FBXO47: variants seen among roughly 807,000 people sequenced by gnomAD.
The protein encoded by FBXO47 is F-box protein 47, also known as F-box only protein 47.
Under a neutral mutation model 53.9 loss-of-function variants are expected in FBXO47, and 34 were observed. The observed-to-expected ratio is 0.63, with a 90% confidence interval of 0.48 to 0.84. The LOEUF is 0.84. Among genes scored for constraint, FBXO47 ranks in the 40% least tolerant of loss-of-function variants. FBXO47 has a pLI of 0.00. For synonymous variants in FBXO47, 165 were observed against 181.6 expected (o/e 0.91, Z 0.73); for missense variants, 485 against 541.3 (o/e 0.90, Z 1.03).
chr17:38,944,852 G>T, intron 7 of FBXO47, 108 bp downstream of exon 7: 1 of 749,282 alleles, frequency 1.3e-6, no homozygotes, highest in South Asian at 1.7e-5. Flanking sequence ...GCATGCATGT[G>T]TGTGTGTGTG....
At chr17:38,964,057 C>G (rs1292226388) in intron 1 of FBXO47, among the ~76,000 whole-genome samples, 1 of 152,100 alleles carries the variant, frequency 6.6e-6, no homozygotes, top group Non-Finnish European at 1.5e-5. Context: ...ATCCTCCCAC[C>G]TCAGCCTCCC....
Position 38,957,260 on chromosome 17 carries a change from A to C in FBXO47, c.353-7T>G. On this transcript the variant is annotated splice_polypyrimidine_tract_variant and splice_region_variant and intron_variant, in intron 3 of 10. Coordinates refer to ENST00000378079, the MANE Select transcript of FBXO47 (RefSeq NM_001008777.3). ...CATCTTTTAAACAGTAGACCTAAGA[A>C]AGTAAAGAGACATAAGAAAAAATGA... The C allele has an allele frequency of 6.3e-7, 1 of 1,594,736 alleles. No individual in the cohort carries two copies. The highest frequency in any genetic ancestry group is 2.2e-5 in the East Asian group (1 of 44,664).
chr17:38,955,741 C>T (rs890175275), intron 4 of FBXO47, among the ~76,000 whole-genome samples: 1 of 151,612 alleles, frequency 6.6e-6, no homozygotes, highest in East Asian at 1.9e-4. Context: ...GGGAGGATCA[C>T]GAGGTCAGGA....
At chr17:38,961,785 C>G in intron 3 of FBXO47, 92 bp downstream of exon 3, 1 of 1,112,016 alleles carries the variant, frequency 9.0e-7, no homozygotes, top group Non-Finnish European at 1.3e-6. Context: ...GGAATATATT[C>G]CATTTCCTAC....
chr17:38,948,144 A>AC (rs1905031078), intron 6 of FBXO47, among the ~76,000 whole-genome samples: 1 of 148,418 alleles, frequency 6.7e-6, no homozygotes, highest in Admixed American at 6.8e-5. Flanking sequence ...TCTGTCCTTT[A>AC]CCACCCCTAG....
chr17:38,946,273 T>G (rs187085453), intron 6 of FBXO47, among the ~76,000 whole-genome samples: 307 of 88,788 alleles, frequency 3.5e-3, no homozygotes, highest in African/African-American at 0.015. Flanking sequence ...TAAATATATA[T>G]AAAAATATAT....
Position 38,937,207 on chromosome 17 carries a change from A to G in FBXO47, c.1327T>C (p.Tyr443His), listed in dbSNP as rs1469834661. The G allele has an allele frequency of 2.5e-6, 4 of 1,600,260 alleles. No homozygotes were observed. Among genetic ancestry groups the G allele is most frequent in the Non-Finnish European group, 3.4e-6 (4 of 1,168,652 alleles). The change falls in exon 11 of 11, where the codon TAT becomes CAT. Residue 443 changes from tyrosine (Y) to histidine (H), a missense_variant. Coordinates refer to ENST00000378079, the MANE Select transcript of FBXO47 (RefSeq NM_001008777.3). ...AQANFHKEVL[Y>H]LTMNTPLST ...GACAGAGGAGTATTCATGGTCAAAT[A>G]CAGGACCTCCTTATGGAAGTTAGCC...
intron 1 of FBXO47, 99 bp from the exon 2 acceptor site, chr17:38,963,150 C>T (rs777012652): frequency 1.0e-5 from 7 of 685,840 alleles, no homozygotes; most frequent in Non-Finnish European, 1.7e-5. Context: ...GTACGATATG[C>T]AATAGCTGTT....
chr17:38,951,940 T>C (rs538182161), intron 5 of FBXO47, among the ~76,000 whole-genome samples: 96 of 152,106 alleles, frequency 6.3e-4, no homozygotes, highest in Middle Eastern at 3.4e-3. Flanking sequence ...TGAGTCAGAA[T>C]TGCTTGAACC....
rs370101044 is a variant in FBXO47, at chr17:38,939,498, CA to C, written c.1084-767del. On this transcript the variant is annotated intron_variant, in intron 9 of 10. Coordinates refer to ENST00000378079, the MANE Select transcript of FBXO47 (RefSeq NM_001008777.3). The stretch of plus-strand genomic sequence containing the variant: ...CAAGAAGTCCAATGAAGGTGATAGA[CA>C]AATGGGCAATTTCAATAAGCAAGAG... Among the ~76,000 whole-genome samples, 343 of 149,196 alleles carry C rather than the reference CA, an allele frequency of 2.3e-3. 4 individuals carry two copies. The highest frequency in any genetic ancestry group is 8.2e-3 in the African/African-American group (334 of 40,566).
In FBXO47 at chr17:38,938,753, G is replaced by T. The variant is rs371873841; in HGVS notation, c.1084-21C>A. 4 of 1,526,178 alleles carry T rather than the reference G, an allele frequency of 2.6e-6. No individual in the cohort carries two copies. In the African/African-American group the frequency reaches 5.5e-5, roughly 21 times the overall value. The allele number at this position is 1,526,178 out of a possible 1,614,324, so 94.5% of individuals were successfully genotyped here. A position where few individuals can be genotyped will look rare whatever the true frequency, so the allele number is the denominator to read the frequency against. On this transcript the variant is annotated intron_variant, in intron 9 of 10. Transcript: ENST00000378079. ...CACACCTGATTTAGACATATAAAGC[G>T]CTATAAACCTTCATGTGAAGAAAGC...
At chr17:38,945,820 C>T (rs971258071) in intron 6 of FBXO47, among the ~76,000 whole-genome samples, 2 of 150,326 alleles carry the variant, frequency 1.3e-5, no homozygotes, top group Admixed American at 6.7e-5. Flanking sequence ...CCTGTAGTCC[C>T]AGCTACTTGG....
At chr17:38,944,191 A>ATGTG (rs71141737) in intron 7 of FBXO47, among the ~76,000 whole-genome samples, 11,433 of 133,356 alleles carry the variant, frequency 0.086, 578 homozygotes, top group East Asian at 0.23. Context: ...CAAAAAAAAC[A>ATGTG]TGTGTGTGTG....
chr17:38,966,020 A>G (rs1401737159), intron 1 of FBXO47, among the ~76,000 whole-genome samples: 2 of 152,202 alleles, frequency 1.3e-5, no homozygotes, highest in African/African-American at 4.8e-5. Flanking sequence ...CTTTTTAACA[A>G]AAAAGAGGGA....
chr17:38,946,329 TATAAATATATATAAATATATAA>T (rs1904819590), intron 6 of FBXO47, among the ~76,000 whole-genome samples: 1 of 96,948 alleles, frequency 1.0e-5, no homozygotes, highest in Non-Finnish European at 1.7e-5. Flanking sequence ...TATATAAATA[TATAAATATATATAAATATATAA>T]ATATATATAA....
intron 7 of FBXO47, among the ~76,000 whole-genome samples, chr17:38,944,563 A>T (rs1904657348): frequency 6.6e-6 from 1 of 151,700 alleles, no homozygotes; most frequent in Non-Finnish European, 1.5e-5. Flanking sequence ...TTAGCCAGGC[A>T]TGGTGGCAGG....
At chr17:38,949,412 CCT>C (rs1470995036) in intron 6 of FBXO47, among the ~76,000 whole-genome samples, 1 of 150,872 alleles carries the variant, frequency 6.6e-6, no homozygotes, top group East Asian at 1.9e-4. Flanking sequence ...AGAGCCAGAC[CCT>C]GTCTCAAAAC....
At chr17:38,950,506 C>T (rs370477240) in intron 6 of FBXO47, among the ~76,000 whole-genome samples, 6 of 146,826 alleles carry the variant, frequency 4.1e-5, no homozygotes, top group African/African-American at 1.3e-4. Context: ...TGCTATGTCG[C>T]CCAGGCTGGT....
intron 9 of FBXO47, among the ~76,000 whole-genome samples, chr17:38,942,568 T>C (rs1173655612): frequency 4.6e-5 from 7 of 152,172 alleles, no homozygotes; most frequent in Non-Finnish European, 8.8e-5. Context: ...CACTCCAGCC[T>C]GGACAAAAGA....
Sources: allele counts gnomAD v4.1 joint callset (sites outside exome capture counted in the v4.1 genomes callset), GRCh38; gene constraint gnomAD v4.1.1; transcripts MANE v1.5; gene names NCBI Gene and HGNC (gene_info 2026-07-23, HGNC 2026-07-21).